The following PRDM1 variants were observed in gnomAD, a reference collection of about 807,000 sequenced individuals.
The protein encoded by PRDM1 is PR/SET domain 1, also known as PR domain zinc finger protein 1.
PRDM1 carries 13 observed loss-of-function variants against 62.8 expected under a neutral mutation model. That is an observed-to-expected ratio of 0.21 (90% CI 0.13 to 0.33). The LOEUF (loss-of-function observed/expected upper bound fraction) is 0.33. Ranked by LOEUF, PRDM1 falls within the 10% of genes least tolerant of loss-of-function variation. The pLI, the probability that PRDM1 is intolerant of heterozygous loss-of-function variation, is 1.00. For synonymous variants in PRDM1, 396 were observed against 417.6 expected, an observed-to-expected ratio of 0.95 and a Z score of 0.63; for missense variants, 895 against 1,058.8, an observed-to-expected ratio of 0.85 and a Z score of 2.15.
chr6:106,005,510 G>A (rs1043913904), intron 1 of PRDM1, among the ~76,000 whole-genome samples: 1 of 152,176 alleles, frequency 6.6e-6, no homozygotes, highest in Non-Finnish European at 1.5e-5. Context: ...TTGTTCACGA[G>A]CACTCCTTGA....
chr6:106,044,360 T>C (rs1246872594), upstream of PRDM1, among the ~76,000 whole-genome samples: 1 of 152,196 alleles, frequency 6.6e-6, no homozygotes, highest in Non-Finnish European at 1.5e-5. Context: ...ATTTTGGCAC[T>C]AGGTATTGTG....
Position 106,009,321 on chromosome 6 carries a change from C to T in PRDM1, c.-67+15682C>T, listed in dbSNP as rs530802879. Among the ~76,000 whole-genome samples the T allele has an allele frequency of 2.0e-5, 3 of 152,242 alleles. No individual in the cohort carries two copies. The South Asian group carries it at 6.2e-4, about 32-fold the overall frequency. On this transcript the variant is annotated intron_variant, in intron 1 of 6. Transcript: ENST00000652320. ...CAATTTATAGTGTGGCAAATATTTA[C>T]GTGGATTTTTTAGGATGACTTTCGC...
At chr6:106,026,857 A>G (rs1772773328) in intron 1 of PRDM1, among the ~76,000 whole-genome samples, 1 of 152,252 alleles carries the variant, frequency 6.6e-6, no homozygotes, top group African/African-American at 2.4e-5. Context: ...GTGGGAGAAC[A>G]TGGACCAGGA....
intron 1 of PRDM1, among the ~76,000 whole-genome samples, chr6:106,072,727 T>C (rs1181694119): frequency 6.6e-6 from 1 of 152,212 alleles, no homozygotes; most frequent in African/African-American, 2.4e-5. Flanking sequence ...ATCTACATCA[T>C]GAGCCCCGGG....
intron 3 of PRDM1, chr6:106,098,874 T>G: frequency 6.6e-7 from 1 of 1,513,636 alleles, no homozygotes; most frequent in South Asian, 1.3e-5. Flanking sequence ...TTTGACGTCG[T>G]CAGCCGGCTT....
At chr6:106,014,084 G>A (rs368306420) in intron 1 of PRDM1, among the ~76,000 whole-genome samples, 50 of 82,524 alleles carry the variant, frequency 6.1e-4, no homozygotes, top group African/African-American at 2.4e-3. Context: ...TTTTTTTTGA[G>A]ACGGGGTCTC....
At chr6:106,081,852 C>T (rs1219750781), upstream of PRDM1, among the ~76,000 whole-genome samples, 2 of 152,200 alleles carry the variant, frequency 1.3e-5, no homozygotes, top group African/African-American at 4.8e-5. Context: ...TCCAAGGGGA[C>T]TGCTCCTCCC....
At chr6:106,005,938 A>T (rs1562142658) in intron 1 of PRDM1, among the ~76,000 whole-genome samples, 1 of 152,182 alleles carries the variant, frequency 6.6e-6, no homozygotes, top group Non-Finnish European at 1.5e-5. Context: ...CAGAAAGGTT[A>T]TTTCTCCAGC....
intron 1 of PRDM1, among the ~76,000 whole-genome samples, chr6:106,041,194 T>C (rs1319931718): frequency 6.8e-6 from 1 of 147,230 alleles, no homozygotes; most frequent in Non-Finnish European, 1.5e-5. Context: ...AATATTACTG[T>C]ATGTCTCTCT....
intron 3 of PRDM1, 85 bp downstream of exon 3, chr6:106,095,819 T>C (rs985391106): frequency 2.8e-6 from 4 of 1,444,958 alleles, no homozygotes; most frequent in Admixed American, 1.9e-5. Flanking sequence ...TTTCTCATCC[T>C]GTGCTGAGAA....
intron 1 of PRDM1, among the ~76,000 whole-genome samples, chr6:106,081,317 A>T (rs1006701456): frequency 6.6e-6 from 1 of 152,216 alleles, no homozygotes; most frequent in Non-Finnish European, 1.5e-5. Context: ...CCTTAGGTCC[A>T]GTAAGTGCTT....
intron 1 of PRDM1, among the ~76,000 whole-genome samples, chr6:105,998,162 G>A (rs1582420387): frequency 1.3e-5 from 2 of 152,070 alleles, no homozygotes; most frequent in African/African-American, 4.8e-5. Context: ...GCCTTTCACA[G>A]CATTTCACAT....
upstream of PRDM1, among the ~76,000 whole-genome samples, chr6:106,085,600 C>G (rs1773779083): frequency 6.6e-6 from 1 of 152,192 alleles, no homozygotes; most frequent in Admixed American, 6.5e-5. Flanking sequence ...CCACTAATTA[C>G]TGCCTCCGAC....
intron 1 of PRDM1, among the ~76,000 whole-genome samples, chr6:106,075,008 TA>T (rs1173773550): frequency 6.6e-6 from 1 of 152,240 alleles, no homozygotes; most frequent in Admixed American, 6.5e-5. Context: ...GTCATCATTT[TA>T]AAGAAGCTCT....
intron 1 of PRDM1, among the ~76,000 whole-genome samples, chr6:105,995,761 A>C (rs1656372885): frequency 6.6e-6 from 1 of 151,984 alleles, no homozygotes; most frequent in South Asian, 2.1e-4. Flanking sequence ...TTGGTTCTTT[A>C]ATTAGGAGGC....
At chr6:106,008,088 T>C (rs2114547615) in intron 1 of PRDM1, among the ~76,000 whole-genome samples, 1 of 152,234 alleles carries the variant, frequency 6.6e-6, no homozygotes, top group Admixed American at 6.5e-5. Flanking sequence ...ATGGTCCCAG[T>C]GGGGCTGGGC....
chr6:106,054,747 A>G (rs1773236551), intron 1 of PRDM1, among the ~76,000 whole-genome samples: 1 of 152,212 alleles, frequency 6.6e-6, no homozygotes, highest in African/African-American at 2.4e-5. Context: ...ATTGGAATGA[A>G]CAATAGCTAT....
chr6:105,996,197 T>C (rs1302897753), intron 1 of PRDM1, among the ~76,000 whole-genome samples: 2 of 152,196 alleles, frequency 1.3e-5, no homozygotes, highest in East Asian at 3.8e-4. Flanking sequence ...TTCATCTAAA[T>C]ATAGCTTTCA....
chr6:106,038,823 C>T (rs1054364662), intron 1 of PRDM1, among the ~76,000 whole-genome samples: 52 of 152,200 alleles, frequency 3.4e-4, no homozygotes, highest in African/African-American at 1.3e-3. Context: ...AATTTGACAT[C>T]CAAGCCTTCC....
Sources: gnomAD v4.1 joint callset for allele counts (sites outside exome capture counted in the v4.1 genomes callset) on GRCh38, gnomAD v4.1.1 for gene constraint, MANE v1.5 for transcripts, NCBI Gene and HGNC (gene_info 2026-07-23, HGNC 2026-07-21) for gene names.